CSF3R: variants seen among roughly 807,000 people sequenced by gnomAD.
The protein encoded by CSF3R is granulocyte colony-stimulating factor receptor.
In CSF3R, 52 loss-of-function variants were observed where a neutral mutation model predicts 84.4. The observed-to-expected ratio is 0.62, with a 90% CI of 0.49 to 0.78. The LOEUF is 0.78. CSF3R is among the 30% of genes least tolerant of loss of function. The pLI is 0.00. For synonymous variants in CSF3R, 384 were observed against 429.1 expected (o/e 0.89, Z 1.30); for missense variants, 890 against 1,055.7 (o/e 0.84, Z 2.17).
chr1:36,468,564 C>T (rs561570031), intron 12 of CSF3R: 11 of 232,000 alleles, frequency 4.7e-5, no homozygotes, highest in East Asian at 3.1e-4. Context: ...GACAGGGTCT[C>T]GCTCTGTCAC....
Position 36,472,810 on chromosome 1 carries a change from G to T in CSF3R, c.674-124C>A. The T allele has an allele frequency of 8.5e-7, 1 of 1,181,398 alleles. No homozygotes were observed. Among genetic ancestry groups the T allele is most frequent in the Non-Finnish European group, 1.2e-6 (1 of 862,796 alleles). 73.2% of individuals were successfully genotyped at this position (1,181,398 alleles called of 1,614,324 possible). ...CACGTTGCCAATGACACGTTTCTGT[G>T]GTTCGATCTCTATGTGTCTTTGTTT... On this transcript the variant is annotated intron_variant, in intron 6 of 16. Coordinates refer to ENST00000373106, the MANE Select transcript of CSF3R (RefSeq NM_000760.4). The surrounding 1 kb of genome is among the most constrained non-coding windows in gnomAD (Gnocchi z 5.0).
At position 36,467,554 on chromosome 1, in the gene CSF3R, T is replaced by C. The variant is rs367940696; in HGVS notation, c.1958+4A>G. 3 of 1,613,646 alleles carry C rather than the reference T, an allele frequency of 1.9e-6. No homozygotes were observed. The highest frequency in any genetic ancestry group is 2.7e-5 in the African/African-American group (2 of 74,878). ...AGGATCTCAGGTCTCTCAAAGGGAC[T>C]CACTTGGGGCTGCAACAGAGCCAGG... is the stretch of plus-strand genomic sequence containing the variant. On this transcript the variant is annotated splice_donor_region_variant and intron_variant, in intron 15 of 16. Coordinates refer to ENST00000373106, the MANE Select transcript of CSF3R (RefSeq NM_000760.4). The surrounding 1 kb of genome is among the most constrained non-coding windows in gnomAD (Gnocchi z 4.1).
chr1:36,482,922 T>A (rs1419042934), upstream of CSF3R: 1 of 152,266 alleles, frequency 6.6e-6, no homozygotes, highest in Non-Finnish European at 1.5e-5. Context: ...CTGTCGTTAA[T>A]GGCTCAGCCT....
At position 36,467,362 on chromosome 1, in the gene CSF3R, C is replaced by A. The variant is rs760658493; in HGVS notation, c.1959-51G>T. 1.9e-6 allele frequency: 3 copies of A among 1,591,164 alleles called. No individual in the cohort carries two copies. Among genetic ancestry groups the A allele is most frequent in the Non-Finnish European group, 2.6e-6 (3 of 1,159,464 alleles). ...GAGTCAGACACACCCTCCGATCTTT[C>A]CATTTTTTGTCCCACCCACCCCACC... On this transcript the variant is annotated intron_variant, in intron 15 of 16. Coordinates refer to ENST00000373106, the MANE Select transcript of CSF3R (RefSeq NM_000760.4). The surrounding 1 kb of genome is among the most constrained non-coding windows in gnomAD (Gnocchi z 4.1).
chr1:36,472,033 C>T lies in CSF3R; in HGVS notation c.1071+33G>A, dbSNP rs376367515. 16 of 1,606,460 alleles carry T rather than the reference C, an allele frequency of 1.0e-5. No individual in the cohort carries two copies. The highest frequency in any genetic ancestry group is 2.2e-5 in the South Asian group (2 of 90,846). ...GATCTGTTTGGACTGCGGGAGGTGT[C>T]GAGGTGGAGGGATGGCCTTCAGAGG... On this transcript the variant is annotated intron_variant, in intron 9 of 16. Coordinates refer to ENST00000373106, the MANE Select transcript of CSF3R (RefSeq NM_000760.4). The surrounding 1 kb of genome is among the most constrained non-coding windows in gnomAD (Gnocchi z 5.0).
chr1:36,471,412 C>T (rs961538239), intron 10 of CSF3R, 21 bp downstream of exon 10: 17 of 1,609,286 alleles, frequency 1.1e-5, no homozygotes, highest in South Asian at 7.7e-5. Flanking sequence ...CTGTGCTCTT[C>T]TGGCTGCCAG....
intron 4 of CSF3R, 94 bp downstream of exon 4, chr1:36,475,283 A>G: frequency 1.3e-6 from 2 of 1,486,936 alleles, no homozygotes; most frequent in Non-Finnish European, 1.9e-6. Context: ...CTGGGAATAC[A>G]GGCGTGAGCC....
rs532250805 is a variant in CSF3R, at chr1:36,475,521, C to A, written c.217G>T (p.Gly73Cys). ...WRLGAELQPG[G>C]RQQRLSDGTQ... ...CCATCAGACAGACGCTGCTGCCTGC[C>A]CCCGGGCTGAAGCTCTGCTCCCAGT... Residue 73 changes from glycine to cysteine, a missense_variant, in exon 4 of 17, where the codon GGC becomes TGC. By Grantham distance (159) the Gly-to-Cys change is radical. Coordinates refer to ENST00000373106, the MANE Select transcript of CSF3R (RefSeq NM_000760.4). The A allele has an allele frequency of 6.2e-7, 1 of 1,613,964 alleles. No homozygotes were observed. Among genetic ancestry groups the A allele is most frequent in the East Asian group, 2.2e-5 (1 of 44,882 alleles).
chr1:36,471,002 C>G (rs1021580135), intron 10 of CSF3R, among the ~76,000 whole-genome samples: 3 of 152,108 alleles, frequency 2.0e-5, no homozygotes, highest in African/African-American at 7.2e-5. Context: ...TGGGAGGTAA[C>G]TTACTCAGGT....
In CSF3R at chr1:36,466,543, G is replaced by A. The variant is rs138866886; in HGVS notation, c.2325C>T (p.Pro775=). 5.0e-6 allele frequency: 8 copies of A among 1,609,388 alleles called. No homozygotes were observed. Among genetic ancestry groups the A allele is most frequent in the Admixed American group, 3.4e-5 (2 of 59,622 alleles). ...GGCTGGGGGTGAGGCCCGCCAAGAG[G>A]GGCTGAGTGGAGTCACAGCGGAGAT... ...GHYLRCDSTQ[P]LLAGLTPSPK... is the part of the protein sequence containing the mutation. Residue 775 remains proline, a synonymous_variant, in exon 17 of 17, where the codon CCC becomes CCT. Transcript: ENST00000373106. This position sits in a 1 kb window ranked among gnomAD's most constrained non-coding sequence, Gnocchi z 4.6.
intron 3 of CSF3R, among the ~76,000 whole-genome samples, chr1:36,478,505 G>T (rs1651311107): frequency 6.6e-6 from 1 of 151,808 alleles, no homozygotes; most frequent in Non-Finnish European, 1.5e-5. Context: ...CTTCAGCCTG[G>T]GCAAGAGAGT....
At chr1:36,476,632 T>TG (rs1157897778) in intron 3 of CSF3R, among the ~76,000 whole-genome samples, 5,007 of 151,400 alleles carry the variant, frequency 0.033, 111 homozygotes, top group Non-Finnish European at 0.036. Flanking sequence ...TTTTTTTTTT[T>TG]TTGTTGTTGT....
Position 36,475,420 on chromosome 1 carries a change from GC to G in CSF3R, c.317del (p.Gly106AlafsTer28). On this transcript the variant is annotated frameshift_variant, in exon 4 of 17. Transcript: ENST00000373106. LOFTEE classifies it high-confidence loss of function. ...QAFLSCCLNWGNSLQILDQVE... is the reference protein window; with the variant it reads ...QAFLSCCLNWXNSLQILDQVE... ...CCTGGTCCAGGATCTGCAGGCTGTT[GC>G]CCCAGTTCAGGCAGCAGGAGAGAAA... is the stretch of plus-strand genomic sequence containing the variant. 2 of 1,614,154 alleles carry G rather than the reference GC, an allele frequency of 1.2e-6. No individual in the cohort carries two copies. The highest frequency in any genetic ancestry group is 1.7e-6 in the Non-Finnish European group (2 of 1,180,038).
rs1355753061 is a variant in CSF3R, at chr1:36,466,957, C to T, written c.2041-130G>A. The T allele has an allele frequency of 2.5e-6, 4 of 1,605,326 alleles. No individual in the cohort carries two copies. Among genetic ancestry groups the T allele is most frequent in the Admixed American group, 1.7e-5 (1 of 59,512 alleles). ...TACTGGTGGAACACAAAGGGTACCA[C>T]TTGCAAAGCACTAGTATGTTCCTCA... On this transcript the variant is annotated intron_variant, in intron 16 of 16. Transcript: ENST00000373106. The surrounding 1 kb of genome is among the most constrained non-coding windows in gnomAD (Gnocchi z 4.6).
In CSF3R at chr1:36,467,825, G is replaced by A; in HGVS notation, c.1861C>T (p.Pro621Ser). The A allele has an allele frequency of 3.1e-6, 5 of 1,614,262 alleles. No individual in the cohort carries two copies. Among genetic ancestry groups the A allele is most frequent in the Non-Finnish European group, 4.2e-6 (5 of 1,180,048 alleles). Residue 621 changes from proline to serine, a missense_variant, in exon 14 of 17, where the codon CCA becomes TCA. Coordinates refer to ENST00000373106, the MANE Select transcript of CSF3R (RefSeq NM_000760.4). The surrounding 1 kb of genome is among the most constrained non-coding windows in gnomAD (Gnocchi z 4.1). ...CCCAGCCCCCGTCTCCCCTTACCTG[G>A]GGTCAAGGTCATCAGGGTGAGGACT... The part of the protein sequence containing the change: ...STVLTLMTLT[P>S]EGSELHIILG...
At chr1:36,475,798 G>T in intron 3 of CSF3R, 125 bp from the exon 4 acceptor site, 1 of 965,026 alleles carries the variant, frequency 1.0e-6, no homozygotes, top group Non-Finnish European at 1.5e-6. Flanking sequence ...AGATATGGGG[G>T]CTGGAAATGG....
At position 36,468,523 on chromosome 1, in the gene CSF3R, G is replaced by A. The variant is rs3917994; in HGVS notation, c.1577-302C>T. Reference sequence around the variant, plus strand: ...CCACTCACTCTCCGAATTTATGCCAGGTCCTCTGTCCAATTTCTTTTTGTT... The same window carrying A: ...CCACTCACTCTCCGAATTTATGCCAAGTCCTCTGTCCAATTTCTTTTTGTT... On this transcript the variant is annotated intron_variant, in intron 12 of 16. Transcript: ENST00000373106. 6.2e-3 allele frequency: 1,807 copies of A among 289,726 alleles called. 34 individuals carry two copies. Among genetic ancestry groups the A allele is most frequent in the African/African-American group, 0.037 (1,678 of 45,698 alleles). 17.9% of individuals were successfully genotyped at this position (289,726 alleles called of 1,614,324 possible). A position where few individuals can be genotyped will look rare whatever the true frequency, so the allele number is the denominator to read the frequency against.
intron 6 of CSF3R, 179 bp downstream of exon 6, chr1:36,473,256 G>T: frequency 9.0e-6 from 6 of 667,254 alleles, no homozygotes; most frequent in South Asian, 3.8e-5. Flanking sequence ...CTGTCTCTGG[G>T]TCTGTGTCCC....
chr1:36,471,836 G>A (rs1650762160), intron 9 of CSF3R, 190 bp from the exon 10 acceptor site: 19 of 689,768 alleles, frequency 2.8e-5, no homozygotes, highest in Non-Finnish European at 4.7e-5. Flanking sequence ...GAAGAAACAA[G>A]TTGGTGGACA....
Sources: allele counts gnomAD v4.1 joint callset (sites outside exome capture counted in the v4.1 genomes callset), GRCh38; gene constraint gnomAD v4.1.1; non-coding constraint Gnocchi (gnomAD v3.1); transcripts MANE v1.5; gene names NCBI Gene and HGNC (gene_info 2026-07-23, HGNC 2026-07-21).